The following RAB8B variants were observed in gnomAD, a reference collection of about 807,000 sequenced individuals.
RAB8B encodes the protein ras-related protein Rab-8B.
RAB8B carries 11 observed loss-of-function variants against 32.0 expected under a neutral mutation model. The ratio of observed to expected loss-of-function variants is 0.34; its 90% CI spans 0.22 to 0.57. RAB8B has a LOEUF of 0.57. Ranked by LOEUF, RAB8B falls within the 20% of genes least tolerant of loss-of-function variation. The pLI, the probability that RAB8B is intolerant of heterozygous loss-of-function variation, is 0.86. For synonymous variants in RAB8B, 103 were observed against 89.6 expected (o/e 1.15, Z -0.85); for missense variants, 190 against 258.5 (o/e 0.73, Z 1.82).
chr15:63,210,783 T>A (rs781642326), intron 1 of RAB8B, among the ~76,000 whole-genome samples: 5 of 152,028 alleles, frequency 3.3e-5, no homozygotes, highest in Non-Finnish European at 7.4e-5. Flanking sequence ...ATTCTTGGCC[T>A]TTTTTTTACT....
intron 2 of RAB8B, among the ~76,000 whole-genome samples, chr15:63,245,879 A>T (rs564959857): frequency 4.0e-5 from 6 of 150,972 alleles, no homozygotes; most frequent in East Asian, 1.9e-4. Flanking sequence ...ATTTTAATAA[A>T]TTTTTTTTTT....
chr15:63,260,719 C>T (rs1022960368), intron 6 of RAB8B, among the ~76,000 whole-genome samples: 1 of 151,762 alleles, frequency 6.6e-6, no homozygotes, highest in African/African-American at 2.4e-5. Context: ...ACCAAGGGAA[C>T]TGTTATTTTT....
chr15:63,227,464 C>T (rs1286718790), intron 1 of RAB8B, among the ~76,000 whole-genome samples: 1 of 152,186 alleles, frequency 6.6e-6, no homozygotes, highest in East Asian at 1.9e-4. Flanking sequence ...TAGGGTGCTG[C>T]AAACGTACTT....
chr15:63,239,383 AC>A (rs1355266679), intron 1 of RAB8B, among the ~76,000 whole-genome samples: 2 of 151,138 alleles, frequency 1.3e-5, no homozygotes, highest in African/African-American at 4.9e-5. Context: ...GACTATTGTA[AC>A]TATAATATAT....
At chr15:63,220,562 T>C (rs2037836461) in intron 1 of RAB8B, among the ~76,000 whole-genome samples, 1 of 152,206 alleles carries the variant, frequency 6.6e-6, no homozygotes, top group African/African-American at 2.4e-5. Context: ...CAAGTGGTAT[T>C]TTTTGAAACT....
chr15:63,241,834 C>T (rs2038034496), intron 1 of RAB8B, among the ~76,000 whole-genome samples: 4 of 151,888 alleles, frequency 2.6e-5, no homozygotes, highest in Non-Finnish European at 5.9e-5. Flanking sequence ...GCATATAAAA[C>T]GTAAATCACA....
chr15:63,214,436 C>G (rs1236291162), intron 1 of RAB8B, among the ~76,000 whole-genome samples: 1 of 151,682 alleles, frequency 6.6e-6, no homozygotes, highest in Non-Finnish European at 1.5e-5. Flanking sequence ...GGATTACAGG[C>G]AGGTGCCACC....
At chr15:63,256,364 A>C (rs1595750688) in intron 4 of RAB8B, 141 bp from the exon 5 acceptor site, 5 of 587,004 alleles carry the variant, frequency 8.5e-6, no homozygotes, top group African/African-American at 3.9e-5. Context: ...TCCCATCTTT[A>C]AACTTTTCTC....
At chr15:63,214,656 A>G (rs889736615) in intron 1 of RAB8B, among the ~76,000 whole-genome samples, 9 of 152,056 alleles carry the variant, frequency 5.9e-5, no homozygotes, top group African/African-American at 2.2e-4. Context: ...ACACTTCACA[A>G]AGCTTTTCCA....
rs534796891 is a variant in RAB8B at position 63,197,443 on chromosome 15, G to A, written c.124+7695G>A. Among the ~76,000 whole-genome samples, 393 of 135,272 alleles carry A rather than the reference G, an allele frequency of 2.9e-3. 2 individuals are homozygous for A. The Middle Eastern group carries it at 0.035, about 12-fold the overall frequency. 88.7% of individuals were successfully genotyped at this position (135,272 alleles called of 152,430 possible). On this transcript the variant is annotated intron_variant, in intron 1 of 7. Transcript: ENST00000321437. ...GGCTGGAATGTGTTGGTGCAATCTC[G>A]GCTTGCTGCAACCTCCGCCTCCTGG...
At chr15:63,231,517 C>A (rs1189571773) in intron 1 of RAB8B, among the ~76,000 whole-genome samples, 3 of 145,422 alleles carry the variant, frequency 2.1e-5, no homozygotes, top group Admixed American at 1.4e-4. Flanking sequence ...TTTTTAACTT[C>A]AGTTTTTGAA....
chr15:63,218,371 T>C (rs770091212), intron 1 of RAB8B, among the ~76,000 whole-genome samples: 3 of 152,230 alleles, frequency 2.0e-5, no homozygotes, highest in Non-Finnish European at 4.4e-5. Context: ...TAGCTATTTT[T>C]ATTAATGATA....
At chr15:63,202,951 G>A (rs2037665507) in intron 1 of RAB8B, among the ~76,000 whole-genome samples, 1 of 152,204 alleles carries the variant, frequency 6.6e-6, no homozygotes, top group Non-Finnish European at 1.5e-5. Flanking sequence ...GCCTCATAGG[G>A]AAGTCTCTGA....
chr15:63,192,996 G>T (rs763251834), intron 1 of RAB8B, among the ~76,000 whole-genome samples: 63 of 152,120 alleles, frequency 4.1e-4, no homozygotes, highest in Non-Finnish European at 7.4e-5. Flanking sequence ...GCTGAGGCAG[G>T]AAGATCACTT....
At position 63,265,308 on chromosome 15, in the gene RAB8B, G is replaced by T. The variant is rs1467819470; in HGVS notation, c.*1689G>T. On this transcript the variant is annotated 3_prime_UTR_variant, in exon 8 of 8. Transcript: ENST00000321437. The surrounding 1 kb of genome is among the most constrained non-coding windows in gnomAD (Gnocchi z 4.9). ...AAAATATAGGAACAATTTAGCAGCT[G>T]CAAATATGCCCAAGCTATTTTTAAT... 1 of 151,684 alleles carries T rather than the reference G, an allele frequency of 6.6e-6. No individual in the cohort carries two copies. The highest frequency in any genetic ancestry group is 1.5e-5 in the Non-Finnish European group (1 of 67,958). 9.4% of individuals were successfully genotyped at this position (151,684 alleles called of 1,614,324 possible). A position where few individuals can be genotyped will look rare whatever the true frequency, so the allele number is the denominator to read the frequency against.
At chr15:63,228,588 A>G (rs1390639854) in intron 1 of RAB8B, among the ~76,000 whole-genome samples, 1 of 152,270 alleles carries the variant, frequency 6.6e-6, no homozygotes, top group Non-Finnish European at 1.5e-5. Flanking sequence ...TGCAGGTGAC[A>G]AGAAATAAAC....
chr15:63,192,454 G>A (rs1015489450), intron 1 of RAB8B, among the ~76,000 whole-genome samples: 3 of 152,188 alleles, frequency 2.0e-5, no homozygotes, highest in Non-Finnish European at 2.9e-5. Context: ...GTACCTAAGT[G>A]TGTAAGTTCC....
intron 5 of RAB8B, among the ~76,000 whole-genome samples, chr15:63,258,023 A>G (rs2038172261): frequency 6.6e-6 from 1 of 150,938 alleles, no homozygotes; most frequent in Non-Finnish European, 1.5e-5. Context: ...AGATAGTGCC[A>G]CTGTACTCCT....
In RAB8B at chr15:63,244,810, A is replaced by T; in HGVS notation, c.179A>T (p.Gln60Leu). 1.3e-6 allele frequency: 2 copies of T among 1,575,948 alleles called. No individual in the cohort carries two copies. Among genetic ancestry groups the T allele is most frequent in the Non-Finnish European group, 1.7e-6 (2 of 1,149,502 alleles). The part of the protein sequence containing the change: ...IELDGKKIKL[Q>L]IWDTAGQERF... ...CTAGATGGAAAGAAAATTAAGCTTC[A>T]GATATGGTAAGTAAACACACACACA... Residue 60 changes from glutamine (Q) to leucine (L), a missense_variant, in exon 2 of 8, where the codon CAG becomes CTG. Gln to Leu is a moderately radical substitution (Grantham distance 113, BLOSUM62 -2). This residue lies in a region of RAB8B where 80 missense variants were observed against 142.6 expected (regional missense o/e 0.56). Transcript: ENST00000321437.
Sources: gnomAD v4.1 joint callset for allele counts (sites outside exome capture counted in the v4.1 genomes callset) on GRCh38, gnomAD v4.1.1 for gene constraint, gnomAD v4.1.1 regional missense constraint, Gnocchi (gnomAD v3.1) non-coding constraint, MANE v1.5 for transcripts, NCBI Gene and HGNC (gene_info 2026-07-23, HGNC 2026-07-21) for gene names.